KAZN: variants seen among roughly 807,000 people sequenced by gnomAD.
KAZN encodes the protein kazrin, periplakin interacting protein.
In KAZN, 40 loss-of-function variants were observed where a neutral mutation model predicts 87.4. The ratio of observed to expected loss-of-function variants is 0.46; its 90% CI spans 0.36 to 0.60. The LOEUF (loss-of-function observed/expected upper bound fraction) is 0.60. Ranked by LOEUF, KAZN falls within the 20% of genes least tolerant of loss-of-function variation. The pLI is 0.00. For missense variants in KAZN, 898 were observed against 1,073.9 expected, an observed-to-expected ratio of 0.84 and a Z score of 2.29; for synonymous variants, 466 against 458.3, an observed-to-expected ratio of 1.02 and a Z score of -0.22.
At chr1:13,981,105 A>ATATATATATATATATATATATATG (rs1479644523) in intron 1 of KAZN, among the ~76,000 whole-genome samples, 11 of 133,494 alleles carry the variant, frequency 8.2e-5, no homozygotes, top group African/African-American at 3.1e-4. Flanking sequence ...ATATATATAT[A>ATATATATATATATATATATATATG]TATATGTATA....
chr1:14,293,722 G>A (rs192887489), intron 2 of KAZN, among the ~76,000 whole-genome samples: 1 of 151,906 alleles, frequency 6.6e-6, no homozygotes, highest in Non-Finnish European at 1.5e-5. Flanking sequence ...CCTTGTTGGG[G>A]TCTCCAAGCT....
chr1:14,789,374 T>C (rs1036672759), intron 1 of KAZN, among the ~76,000 whole-genome samples: 2 of 152,088 alleles, frequency 1.3e-5, no homozygotes, highest in African/African-American at 4.8e-5. Flanking sequence ...TGCAAGACCC[T>C]CCTCACTTTT....
intron 2 of KAZN, among the ~76,000 whole-genome samples, chr1:14,398,907 C>T (rs1345831434): frequency 6.6e-6 from 1 of 152,126 alleles, no homozygotes; most frequent in Non-Finnish European, 1.5e-5. Context: ...TCGGATTACT[C>T]GGGGGTTTTC....
At chr1:14,901,283 A>G (rs1655854177) in intron 1 of KAZN, among the ~76,000 whole-genome samples, 1 of 152,066 alleles carries the variant, frequency 6.6e-6, no homozygotes, top group East Asian at 1.9e-4. Context: ...CAAGTCCCCA[A>G]GGTGGGAAGC....
chr1:14,999,551 G>A (rs902733288), intron 2 of KAZN, among the ~76,000 whole-genome samples: 2 of 148,920 alleles, frequency 1.3e-5, no homozygotes, highest in African/African-American at 5.1e-5. Context: ...GTTCCATGAG[G>A]CCTTCGGAAA....
Position 15,073,554 on chromosome 1 carries a change from C to T in KAZN, c.1222+7801C>T, listed in dbSNP as rs781348952. ...CCCCCAGGCAACCTGCTGCTTGGGG[C>T]CTTTCTAGGCCCCGCTGAGCAGAGG... On this transcript the variant is annotated intron_variant, in intron 8 of 14. Coordinates refer to ENST00000376030, the MANE Select transcript of KAZN (RefSeq NM_201628.3). Among the ~76,000 whole-genome samples the T allele has an allele frequency of 3.9e-4, 59 of 152,252 alleles. 1 individual carries two copies. Among genetic ancestry groups the T allele is most frequent in the Middle Eastern group, 6.8e-3 (2 of 294 alleles).
In KAZN at chr1:15,085,671, C is replaced by G. The variant is rs371546103; in HGVS notation, c.1223-8509C>G. Among the ~76,000 whole-genome samples the G allele has an allele frequency of 5.9e-5, 9 of 152,264 alleles. No individual in the cohort carries two copies. The East Asian group carries it at 1.6e-3, about 26-fold the overall frequency. On this transcript the variant is annotated intron_variant, in intron 8 of 14. Coordinates refer to ENST00000376030, the MANE Select transcript of KAZN (RefSeq NM_201628.3). ...GCTCATAACCACTTGTGGTTAATGG[C>G]TATCCTATTGGTCAGTGAAGGTTAT...
intron 1 of KAZN, among the ~76,000 whole-genome samples, chr1:14,047,525 A>G (rs1012814654): frequency 1.3e-5 from 2 of 152,084 alleles, no homozygotes; most frequent in Non-Finnish European, 2.9e-5. Flanking sequence ...TAATGGCACC[A>G]CTGCTCGCCT....
At chr1:14,258,218 CTT>C (rs70997128) in intron 2 of KAZN, among the ~76,000 whole-genome samples, 11 of 126,436 alleles carry the variant, frequency 8.7e-5, no homozygotes, top group Non-Finnish European at 1.3e-4. Flanking sequence ...TTCTTTCTTT[CTT>C]TTTTTTTTTT....
rs35205129 is a variant in KAZN at position 14,393,842 on chromosome 1, C to CAAAAAA, written c.250-205126_250-205121dup. Among the ~76,000 whole-genome samples the CAAAAAA allele has an allele frequency of 6.8e-4, 59 of 87,004 alleles. 1 individual carries two copies. Among genetic ancestry groups the CAAAAAA allele is most frequent in the East Asian group, 3.8e-3 (11 of 2,876 alleles). 57.1% of individuals were successfully genotyped at this position (87,004 alleles called of 152,430 possible). On this transcript the variant is annotated intron_variant, in intron 2 of 16. Transcript: ENST00000636203. ...TGAGTGACAGAGCCAGACCCAATCT[C>CAAAAAA]AAAAAAAAAAAAAAAAAAAAGTCAT... is the stretch of plus-strand genomic sequence containing the variant.
intron 1 of KAZN, among the ~76,000 whole-genome samples, chr1:14,094,764 C>A (rs1644089529): frequency 6.6e-6 from 1 of 152,108 alleles, no homozygotes; most frequent in South Asian, 2.1e-4. Flanking sequence ...CTACACAATT[C>A]AGTGAGCACA....
At chr1:14,585,465 C>A (rs1557816799) in intron 2 of KAZN, among the ~76,000 whole-genome samples, 2 of 152,146 alleles carry the variant, frequency 1.3e-5, no homozygotes, top group African/African-American at 4.8e-5. Flanking sequence ...CATTTCAGAG[C>A]TGAACATTAA....
chr1:14,365,190 C>G (rs1156603479), intron 2 of KAZN, among the ~76,000 whole-genome samples: 1 of 151,956 alleles, frequency 6.6e-6, no homozygotes. Context: ...ACTACAAGTG[C>G]CCGCCACCAT....
chr1:14,053,060 G>C (rs1429770166), intron 1 of KAZN, among the ~76,000 whole-genome samples: 1 of 152,184 alleles, frequency 6.6e-6, no homozygotes, highest in Non-Finnish European at 1.5e-5. Flanking sequence ...CGAAGGTGGT[G>C]GGATGCCACC....
At chr1:14,951,747 G>C (rs1662510260) in intron 1 of KAZN, among the ~76,000 whole-genome samples, 1 of 152,028 alleles carries the variant, frequency 6.6e-6, no homozygotes, top group Non-Finnish European at 1.5e-5. Flanking sequence ...CAAAGTGCTG[G>C]GATTAAGGCA....
At chr1:13,989,463 G>A (rs1375214718) in intron 1 of KAZN, among the ~76,000 whole-genome samples, 2 of 152,158 alleles carry the variant, frequency 1.3e-5, no homozygotes, top group African/African-American at 2.4e-5. Flanking sequence ...CTGTGCTACA[G>A]ATACAAAGTG....
intron 1 of KAZN, among the ~76,000 whole-genome samples, chr1:13,905,016 A>G (rs893091879): frequency 1.1e-4 from 17 of 152,216 alleles, no homozygotes; most frequent in Non-Finnish European, 7.3e-5. Context: ...AGCTGTGTCT[A>G]ATCTTCAGCT....
intron 1 of KAZN, among the ~76,000 whole-genome samples, chr1:13,983,554 C>T (rs1170233822): frequency 1.3e-5 from 2 of 152,210 alleles, no homozygotes; most frequent in Non-Finnish European, 2.9e-5. Flanking sequence ...CCCTCCACAC[C>T]TCCCTGCAAG....
intron 2 of KAZN, among the ~76,000 whole-genome samples, chr1:14,234,942 C>T (rs1571096474): frequency 6.6e-6 from 1 of 152,214 alleles, no homozygotes; most frequent in Non-Finnish European, 1.5e-5. Context: ...GGTGGAATTA[C>T]AAAATGATGC....
Sources: gnomAD v4.1 joint callset for allele counts (sites outside exome capture counted in the v4.1 genomes callset) on GRCh38, gnomAD v4.1.1 for gene constraint, MANE v1.5 for transcripts, NCBI Gene and HGNC (gene_info 2026-07-23, HGNC 2026-07-21) for gene names.